The following SENP7 variants were observed in gnomAD, a reference collection of about 807,000 sequenced individuals.
SENP7 encodes the protein SUMO specific peptidase 7, also known as sentrin-specific protease 7.
SENP7 carries 64 observed loss-of-function variants against 141.2 expected under a neutral mutation model. The observed-to-expected ratio is 0.45, with a 90% CI of 0.37 to 0.56. The LOEUF (loss-of-function observed/expected upper bound fraction) is 0.56. Among genes scored for constraint, SENP7 ranks in the 20% least tolerant of loss-of-function variants. SENP7 has a pLI of 0.00. For synonymous variants in SENP7, 382 were observed against 426.4 expected, an observed-to-expected ratio of 0.90 and a Z score of 1.28; for missense variants, 1,025 against 1,212.2, an observed-to-expected ratio of 0.85 and a Z score of 2.29.
At chr3:101,507,060 C>CAAAAAA (rs11315312) in intron 1 of SENP7, among the ~76,000 whole-genome samples, 1 of 89,056 alleles carries the variant, frequency 1.1e-5, no homozygotes, top group Non-Finnish European at 2.3e-5. Context: ...GATCCCATCT[C>CAAAAAA]AAAAAAAAAA....
In SENP7 at chr3:101,351,573, A is replaced by G. The variant is rs761194019; in HGVS notation, c.1657+45T>C. ...CTTAGTTTTACTTAAATTTATACTA[A>G]AAACTATAGTAAAAAGACAAGTTCA... On this transcript the variant is annotated intron_variant, in intron 12 of 23. Coordinates refer to ENST00000394095, the MANE Select transcript of SENP7 (RefSeq NM_020654.5). The G allele has an allele frequency of 5.4e-6, 7 of 1,290,730 alleles. No homozygotes were observed. In the South Asian group the frequency reaches 1.3e-4, roughly 23 times the overall value. 80.0% of individuals were successfully genotyped at this position (1,290,730 alleles called of 1,614,324 possible). A position where few individuals can be genotyped will look rare whatever the true frequency, so the allele number is the denominator to read the frequency against.
chr3:101,396,468 T>G (rs1559765863), intron 6 of SENP7, among the ~76,000 whole-genome samples: 1 of 152,126 alleles, frequency 6.6e-6, no homozygotes, highest in Non-Finnish European at 1.5e-5. Context: ...TTGCTCATCA[T>G]TTGACTTAAA....
chr3:101,504,274 A>G (rs997459831), intron 1 of SENP7, among the ~76,000 whole-genome samples: 1 of 149,792 alleles, frequency 6.7e-6, no homozygotes, highest in Admixed American at 6.8e-5. Flanking sequence ...CAACATGGGG[A>G]AACCCGTCTC....
intron 11 of SENP7, among the ~76,000 whole-genome samples, chr3:101,354,232 A>G (rs1396707216): frequency 6.6e-6 from 1 of 152,098 alleles, no homozygotes; most frequent in East Asian, 1.9e-4. Flanking sequence ...ATCTAATTAT[A>G]TGAAATGTTC....
At chr3:101,388,235 G>C (rs2060715228) in intron 6 of SENP7, among the ~76,000 whole-genome samples, 2 of 152,038 alleles carry the variant, frequency 1.3e-5, no homozygotes, top group African/African-American at 4.8e-5. Flanking sequence ...GAAGCCTGGG[G>C]GTCCAAGGAC....
At chr3:101,453,847 C>A (rs887198651) in intron 4 of SENP7, among the ~76,000 whole-genome samples, 25 of 151,550 alleles carry the variant, frequency 1.6e-4, no homozygotes, top group African/African-American at 5.3e-4. Context: ...GCACATGTAC[C>A]CTAAAACTTA....
intron 21 of SENP7, 24 bp from the exon 22 acceptor site, chr3:101,328,570 C>T (rs772604221): frequency 1.2e-6 from 2 of 1,607,506 alleles, no homozygotes. Context: ...AGGACAAAAT[C>T]AAGATTTACA....
At chr3:101,409,574 T>C (rs2061397815) in intron 5 of SENP7, among the ~76,000 whole-genome samples, 2 of 152,146 alleles carry the variant, frequency 1.3e-5, no homozygotes, top group South Asian at 4.1e-4. Flanking sequence ...ATGGTACTGA[T>C]ATAAAAATAA....
intron 4 of SENP7, among the ~76,000 whole-genome samples, chr3:101,422,685 G>A (rs2061826090): frequency 6.6e-6 from 1 of 151,930 alleles, no homozygotes; most frequent in Non-Finnish European, 1.5e-5. Context: ...TTTATGAGGG[G>A]AAATGATCAT....
At chr3:101,471,450 T>C (rs2063991300) in intron 3 of SENP7, among the ~76,000 whole-genome samples, 1 of 152,210 alleles carries the variant, frequency 6.6e-6, no homozygotes, top group African/African-American at 2.4e-5. Context: ...GCTAGCCATA[T>C]GTAGAAAACT....
rs752615861 is a variant in SENP7 at position 101,341,627 on chromosome 3, A to T, written c.2240+19T>A. Reference sequence around the variant, plus strand: ...ACTAATATGCCCATCTACTACAAACATGCTATGACAGTACATACTTCTGAA... The same window carrying T: ...ACTAATATGCCCATCTACTACAAACTTGCTATGACAGTACATACTTCTGAA... On this transcript the variant is annotated intron_variant, in intron 15 of 23. Coordinates refer to ENST00000394095, the MANE Select transcript of SENP7 (RefSeq NM_020654.5). 1 of 1,487,410 alleles carries T rather than the reference A, an allele frequency of 6.7e-7. No individual in the cohort carries two copies. The highest frequency in any genetic ancestry group is 9.1e-7 in the Non-Finnish European group (1 of 1,100,798). 92.1% of individuals were successfully genotyped at this position (1,487,410 alleles called of 1,614,324 possible). A position where few individuals can be genotyped will look rare whatever the true frequency, so the allele number is the denominator to read the frequency against.
intron 4 of SENP7, among the ~76,000 whole-genome samples, chr3:101,452,408 A>T (rs1185859744): frequency 6.6e-6 from 1 of 152,144 alleles, no homozygotes; most frequent in Non-Finnish European, 1.5e-5. Flanking sequence ...CATTGCCAAG[A>T]CAATCCTAAG....
At chr3:101,466,040 G>A (rs1559869078) in intron 3 of SENP7, among the ~76,000 whole-genome samples, 1 of 151,882 alleles carries the variant, frequency 6.6e-6, no homozygotes, top group Non-Finnish European at 1.5e-5. Context: ...AAGAATTTCT[G>A]AACTTGAAAA....
intron 4 of SENP7, among the ~76,000 whole-genome samples, chr3:101,432,780 T>C (rs2062233178): frequency 1.3e-5 from 2 of 152,124 alleles, no homozygotes; most frequent in Admixed American, 1.3e-4. Context: ...TTCAAATATC[T>C]GAAAAGCCTT....
chr3:101,475,623 T>C (rs1248000952), intron 3 of SENP7, among the ~76,000 whole-genome samples: 1 of 152,142 alleles, frequency 6.6e-6, no homozygotes, highest in Non-Finnish European at 1.5e-5. Flanking sequence ...AGGGTTGATC[T>C]GTGCAGCAAA....
At chr3:101,428,091 T>C (rs951015522) in intron 4 of SENP7, among the ~76,000 whole-genome samples, 1 of 152,238 alleles carries the variant, frequency 6.6e-6, no homozygotes, top group South Asian at 2.1e-4. Context: ...TTATCCAGTC[T>C]ATCATTGATG....
chr3:101,439,599 G>A (rs2062563600), intron 4 of SENP7, among the ~76,000 whole-genome samples: 7 of 30,476 alleles, frequency 2.3e-4, no homozygotes, highest in African/African-American at 2.5e-4. Context: ...GGTGAGGGGC[G>A]CCTCTGCCCG....
intron 2 of SENP7, 61 bp from the exon 3 acceptor site, chr3:101,494,029 T>G (rs2065067579): frequency 1.9e-6 from 2 of 1,036,882 alleles, no homozygotes; most frequent in Admixed American, 1.7e-5. Flanking sequence ...CTAATTCAGC[T>G]AACAGAACCA....
chr3:101,467,405 G>C (rs1306817759), intron 3 of SENP7, among the ~76,000 whole-genome samples: 2 of 152,246 alleles, frequency 1.3e-5, no homozygotes, highest in Admixed American at 6.5e-5. Flanking sequence ...CCCCAGTGTA[G>C]CCTAACTGGG....
Sources: gnomAD v4.1 joint callset for allele counts (sites outside exome capture counted in the v4.1 genomes callset) on GRCh38, gnomAD v4.1.1 for gene constraint, MANE v1.5 for transcripts, NCBI Gene and HGNC (gene_info 2026-07-23, HGNC 2026-07-21) for gene names.